DLG2: variants seen among roughly 807,000 people sequenced by gnomAD.
DLG2 encodes discs large MAGUK scaffold protein 2.
A neutral mutation model predicts 132.5 loss-of-function variants in DLG2; 45 were observed. The ratio of observed to expected loss-of-function variants is 0.34; its 90% CI spans 0.27 to 0.44. The LOEUF (loss-of-function observed/expected upper bound fraction) is 0.44. DLG2 is among the 20% of genes least tolerant of loss of function. The pLI, the probability that DLG2 is intolerant of heterozygous loss-of-function variation, is 1.00. For synonymous variants in DLG2, 424 were observed against 419.6 expected (o/e 1.01, Z -0.13); for missense variants, 1,045 against 1,196.9 (o/e 0.87, Z 1.87).
chr11:85,603,529 C>CTT (rs1317555341), intron 2 of DLG2, among the ~76,000 whole-genome samples: 3 of 145,936 alleles, frequency 2.1e-5, no homozygotes, highest in African/African-American at 5.0e-5. Context: ...TTTTCTCTCT[C>CTT]TTTTTTTTTT....
intron 19 of DLG2, among the ~76,000 whole-genome samples, chr11:83,592,098 T>C (rs373178654): frequency 2.2e-3 from 296 of 135,704 alleles, no homozygotes; most frequent in South Asian, 6.0e-3. Context: ...ATGCCATCCC[T>C]ATCAAGCTAC....
chr11:84,512,608 T>C (rs1199786317), intron 7 of DLG2, among the ~76,000 whole-genome samples: 4 of 151,652 alleles, frequency 2.6e-5, no homozygotes, highest in African/African-American at 9.7e-5. Context: ...AAAGACAGGA[T>C]CCTGAAAGCA....
intron 6 of DLG2, among the ~76,000 whole-genome samples, chr11:84,829,723 T>C (rs2153991740): frequency 6.6e-6 from 1 of 151,840 alleles, no homozygotes; most frequent in Non-Finnish European, 1.5e-5. Flanking sequence ...TCTCATGTAG[T>C]GTACTTAGTA....
intron 6 of DLG2, among the ~76,000 whole-genome samples, chr11:84,609,041 C>T (rs548966134): frequency 9.8e-5 from 15 of 152,302 alleles, no homozygotes; most frequent in Admixed American, 3.3e-4. Flanking sequence ...TTGATCCCTA[C>T]GCTGCCTCTT....
At chr11:83,870,236 A>G (rs1443770833) in intron 16 of DLG2, among the ~76,000 whole-genome samples, 1 of 152,196 alleles carries the variant, frequency 6.6e-6, no homozygotes, top group African/African-American at 2.4e-5. Flanking sequence ...TCAACAGAAT[A>G]ATGTACATTT....
At chr11:85,447,376 G>A (rs1243792608) in intron 3 of DLG2, among the ~76,000 whole-genome samples, 1 of 152,124 alleles carries the variant, frequency 6.6e-6, no homozygotes, top group African/African-American at 2.4e-5. Context: ...GGTCTTTAAA[G>A]AGGAAATCAA....
At chr11:85,398,548 G>A (rs1314433731) in intron 3 of DLG2, among the ~76,000 whole-genome samples, 1 of 151,860 alleles carries the variant, frequency 6.6e-6, no homozygotes, top group Non-Finnish European at 1.5e-5. Flanking sequence ...TAATAAAGAA[G>A]AAAAGAGAAA....
intron 3 of DLG2, among the ~76,000 whole-genome samples, chr11:85,335,370 ATTTGCCACTC>A (rs2082058375): frequency 6.6e-6 from 1 of 151,960 alleles, no homozygotes; most frequent in Non-Finnish European, 1.5e-5. Context: ...TCTTTATCCA[ATTTGCCACTC>A]TTTGCCTTTT....
chr11:84,725,465 T>C (rs1314527640), intron 6 of DLG2, among the ~76,000 whole-genome samples: 1 of 152,152 alleles, frequency 6.6e-6, no homozygotes, highest in Non-Finnish European at 1.5e-5. Context: ...GATGTTTTCA[T>C]GTAAGTGGAA....
chr11:85,435,006 G>C (rs1441662012), intron 3 of DLG2, among the ~76,000 whole-genome samples: 1 of 152,184 alleles, frequency 6.6e-6, no homozygotes, highest in Admixed American at 6.5e-5. Flanking sequence ...GGGATGCAAG[G>C]CTGGTTCAAC....
At chr11:85,347,096 G>GATGT (rs1453450477) in intron 3 of DLG2, among the ~76,000 whole-genome samples, 6 of 152,184 alleles carry the variant, frequency 3.9e-5, no homozygotes, top group Middle Eastern at 3.4e-3. Context: ...AAACAATATA[G>GATGT]ATGTATGTAT....
At chr11:84,121,035 A>C (rs183951175) in intron 9 of DLG2, among the ~76,000 whole-genome samples, 1 of 152,176 alleles carries the variant, frequency 6.6e-6, no homozygotes, top group African/African-American at 2.4e-5. Context: ...TAATTTATTC[A>C]TTCATTTATT....
chr11:83,647,963 G>C (rs924464415), intron 18 of DLG2: 1 of 152,128 alleles, frequency 6.6e-6, no homozygotes, highest in Non-Finnish European at 1.5e-5. Context: ...AAGTACAGAA[G>C]ACCTCAAGAG....
intron 7 of DLG2, among the ~76,000 whole-genome samples, chr11:84,527,770 T>A (rs2099325758): frequency 6.6e-6 from 1 of 152,184 alleles, no homozygotes; most frequent in Non-Finnish European, 1.5e-5. Flanking sequence ...GCCATTGATC[T>A]TAAGACACAT....
intron 7 of DLG2, among the ~76,000 whole-genome samples, chr11:84,255,571 G>A (rs1320621141): frequency 2.6e-5 from 4 of 152,026 alleles, no homozygotes; most frequent in Admixed American, 2.6e-4. Context: ...TGATCCACAC[G>A]CCTCGGCCCC....
At chr11:83,825,516 C>T (rs746976182) in intron 17 of DLG2, among the ~76,000 whole-genome samples, 4 of 151,906 alleles carry the variant, frequency 2.6e-5, no homozygotes, top group African/African-American at 7.3e-5. Flanking sequence ...ATTATACAGC[C>T]GGATTCTATG....
chr11:84,239,698 A>T, intron 8 of DLG2, among the ~76,000 whole-genome samples: 1 of 152,228 alleles, frequency 6.6e-6, no homozygotes, highest in East Asian at 1.9e-4. Context: ...TAGTGTTCCT[A>T]CCAGTAAAAT....
At chr11:84,103,500 A>G (rs1181093912) in intron 9 of DLG2, among the ~76,000 whole-genome samples, 6 of 152,244 alleles carry the variant, frequency 3.9e-5, no homozygotes, top group Admixed American at 6.5e-5. Context: ...CCATGCTGGT[A>G]AGGGCAGACC....
intron 3 of DLG2, among the ~76,000 whole-genome samples, chr11:85,318,207 G>C (rs1222004268): frequency 2.0e-5 from 3 of 151,764 alleles, no homozygotes; most frequent in Non-Finnish European, 4.4e-5. Flanking sequence ...CCAGCATATT[G>C]GCATCCCTAA....
Sources: gnomAD v4.1 joint callset for allele counts (sites outside exome capture counted in the v4.1 genomes callset) on GRCh38, gnomAD v4.1.1 for gene constraint, MANE v1.5 for transcripts, NCBI Gene and HGNC (gene_info 2026-07-23, HGNC 2026-07-21) for gene names.